CHD2: variants seen among roughly 807,000 people sequenced by gnomAD.
CHD2 encodes ATP-dependent chromatin remodeler CHD2.
A neutral mutation model predicts 243.9 loss-of-function variants in CHD2; 28 were observed. That is an observed-to-expected ratio of 0.11 (90% confidence interval 0.09 to 0.16). The LOEUF (loss-of-function observed/expected upper bound fraction) is 0.16. Among genes scored for constraint, CHD2 ranks in the 10% least tolerant of loss-of-function variants. CHD2 has a pLI of 1.00. For missense variants in CHD2, 1,386 were observed against 2,209.8 expected (o/e 0.63, Z 7.47); for synonymous variants, 775 against 779.0 (o/e 0.99, Z 0.09).
intron 2 of CHD2, chr15:92,905,013 G>C: frequency 3.3e-6 from 5 of 1,534,370 alleles, no homozygotes; most frequent in Admixed American, 2.0e-5. Context: ...ACTCAGGTCA[G>C]TATGTGCTAA....
At chr15:93,005,113 TATC>T (rs1372662767) in intron 34 of CHD2, among the ~76,000 whole-genome samples, 2 of 152,234 alleles carry the variant, frequency 1.3e-5, no homozygotes, top group Admixed American at 6.5e-5. Flanking sequence ...TAACCATTTC[TATC>T]ATCGTAAACT....
intron 4 of CHD2, 67 bp from the exon 5 acceptor site, chr15:92,928,963 G>C: frequency 2.8e-6 from 4 of 1,439,088 alleles, no homozygotes; most frequent in Admixed American, 1.8e-5. Context: ...TGATCCAGGA[G>C]ATAGTGTTGT....
intron 37 of CHD2, among the ~76,000 whole-genome samples, chr15:93,015,397 A>C (rs2054446497): frequency 6.6e-6 from 1 of 152,192 alleles, no homozygotes; most frequent in Admixed American, 6.5e-5. Context: ...TATTATTTCA[A>C]CTTCCGATTA....
chr15:92,945,795 TTCTG>T, intron 10 of CHD2, 22 bp from the exon 11 acceptor site: 1 of 1,484,058 alleles, frequency 6.7e-7, no homozygotes, highest in Non-Finnish European at 9.2e-7. Context: ...TTTATAACTT[TTCTG>T]TCTTATTTTT....
At chr15:93,009,059 G>A in intron 34 of CHD2, 86 bp from the exon 35 acceptor site, 5 of 1,439,692 alleles carry the variant, frequency 3.5e-6, no homozygotes, top group Non-Finnish European at 4.7e-6. Context: ...GGGGTGGGCT[G>A]TGTTTTCATC....
intron 23 of CHD2, 24 bp downstream of exon 23, chr15:92,980,935 A>C (rs2053970882): frequency 3.9e-6 from 6 of 1,531,108 alleles, no homozygotes; most frequent in Non-Finnish European, 5.4e-6. Flanking sequence ...AGGAGAGGGA[A>C]ATTTTTTTGA....
Position 92,953,484 on chromosome 15 carries a change from A to C in CHD2, c.1630A>C (p.Thr544Pro). 6.2e-7 allele frequency: 1 copy of C among 1,613,988 alleles called. No individual in the cohort carries two copies. The highest frequency in any genetic ancestry group is 8.5e-7 in the Non-Finnish European group (1 of 1,180,010). ...GPFLIVVPLSTLTSWQREFEI... is the reference protein window; with the variant it reads ...GPFLIVVPLSPLTSWQREFEI... ...CTTTCTTATAGTCGTCCCTTTATCC[A>C]CCCTCACCTCATGGCAGAGAGAGTT... Residue 544 changes from threonine to proline, a missense_variant, in exon 14 of 39, where the codon ACC becomes CCC. By Grantham distance (38) the Thr-to-Pro change is conservative. Around this residue, in one of 19 missense-constraint regions of CHD2, gnomAD observed 63 missense variants for 108.8 expected, o/e 0.58. Coordinates refer to ENST00000394196, the MANE Select transcript of CHD2 (RefSeq NM_001271.4).
chr15:92,944,402 G>T lies in CHD2; in HGVS notation c.1053-13G>T. 1 of 1,498,588 alleles carries T rather than the reference G, an allele frequency of 6.7e-7. No homozygotes were observed. Among genetic ancestry groups the T allele is most frequent in the Non-Finnish European group, 9.3e-7 (1 of 1,078,466 alleles). 92.8% of individuals were successfully genotyped at this position (1,498,588 alleles called of 1,614,324 possible). A position where few individuals can be genotyped will look rare whatever the true frequency, so the allele number is the denominator to read the frequency against. On this transcript the variant is annotated splice_polypyrimidine_tract_variant and intron_variant, in intron 9 of 38. Transcript: ENST00000394196. ...TAGTTTATGTGTACTTTTTCTGTCT[G>T]TCTGCCATTCAGGTTAGGGAAAGTT...
chr15:93,027,828 C>T lies in CHD2; in HGVS notation c.*3123C>T, dbSNP rs1353254369. 6.6e-6 allele frequency: 1 copy of T among 152,606 alleles called. No homozygotes were observed. Among genetic ancestry groups the T allele is most frequent in the African/African-American group, 2.4e-5 (1 of 41,432 alleles). The allele number at this position is 152,606 out of a possible 1,614,324, so 9.5% of individuals were successfully genotyped here. ...TTGTAAAATTGTGGACTTTTAAAAC[C>T]TGTTGACTAAACAGTAATTAATTTA... On this transcript the variant is annotated 3_prime_UTR_variant, in exon 39 of 39. Transcript: ENST00000394196.
chr15:92,983,608 A>T (rs1181692921), intron 24 of CHD2, among the ~76,000 whole-genome samples: 3 of 152,144 alleles, frequency 2.0e-5, no homozygotes, highest in Non-Finnish European at 4.4e-5. Flanking sequence ...GAGGTGGTAG[A>T]TGTTTCTGTG....
intron 13 of CHD2, among the ~76,000 whole-genome samples, chr15:92,950,947 GTTTGA>G (rs1404862963): frequency 9.2e-5 from 14 of 152,088 alleles, no homozygotes; most frequent in Admixed American, 7.9e-4. Context: ...GAGAATGTGG[GTTTGA>G]TATAATGATT....
Position 92,998,679 on chromosome 15 carries a change from T to G in CHD2, c.4008+58T>G. 1 of 1,585,218 alleles carries G rather than the reference T, an allele frequency of 6.3e-7. No homozygotes were observed. The highest frequency in any genetic ancestry group is 1.1e-5 in the South Asian group (1 of 88,944). On this transcript the variant is annotated intron_variant, in intron 31 of 38. Coordinates refer to ENST00000394196, the MANE Select transcript of CHD2 (RefSeq NM_001271.4). The surrounding 1 kb of genome is among the most constrained non-coding windows in gnomAD (Gnocchi z 5.1). ...GGCCTGAGGCTCCTACCCTGCAGAATTAGGTAGGAAGAGAGAGGCCCTCTC... is the reference window on the plus strand; with the variant it reads ...GGCCTGAGGCTCCTACCCTGCAGAAGTAGGTAGGAAGAGAGAGGCCCTCTC...
intron 26 of CHD2, among the ~76,000 whole-genome samples, chr15:92,991,122 G>A (rs1173863406): frequency 6.6e-6 from 1 of 152,050 alleles, no homozygotes; most frequent in Non-Finnish European, 1.5e-5. Context: ...TGTCACAATA[G>A]AGTCGTGATG....
intron 34 of CHD2, among the ~76,000 whole-genome samples, chr15:93,006,711 G>A (rs1373519811): frequency 6.6e-6 from 1 of 152,148 alleles, no homozygotes. Flanking sequence ...CAGGCAGTTC[G>A]GCATGAGAGG....
chr15:92,928,183 C>G, intron 4 of CHD2, among the ~76,000 whole-genome samples: 1 of 152,180 alleles, frequency 6.6e-6, no homozygotes, highest in East Asian at 1.9e-4. Flanking sequence ...ACCCTAACAT[C>G]TGCATTACAT....
intron 5 of CHD2, among the ~76,000 whole-genome samples, chr15:92,933,874 G>C (rs1335368445): frequency 1.3e-5 from 2 of 152,116 alleles, no homozygotes; most frequent in African/African-American, 4.8e-5. Flanking sequence ...CCAAAGTGTT[G>C]GGATTACAGG....
chr15:92,967,491 G>C lies in CHD2; in HGVS notation c.2167G>C (p.Ala723Pro). Reference protein sequence around the residue: ...VEQILRVEMSALQKQYYKWIL... With the variant: ...VEQILRVEMSPLQKQYYKWIL... ...ACAGATTCTCAGGGTGGAGATGTCA[G>C]CCCTTCAGAAACAGTATTACAAGTA... is the stretch of plus-strand genomic sequence containing the variant. Residue 723 changes from alanine (A) to proline (P), a missense_variant, in exon 17 of 39, where the codon GCC becomes CCC. Physicochemically the swap from Ala to Pro is conservative, Grantham distance 27 (BLOSUM62 -1). This residue lies in a region of CHD2 where 118 missense variants were observed against 266.3 expected (regional missense o/e 0.44). Coordinates refer to ENST00000394196, the MANE Select transcript of CHD2 (RefSeq NM_001271.4). 1.2e-6 allele frequency: 2 copies of C among 1,613,776 alleles called. No individual in the cohort carries two copies. Among genetic ancestry groups the C allele is most frequent in the Non-Finnish European group, 1.7e-6 (2 of 1,179,838 alleles).
intron 13 of CHD2, among the ~76,000 whole-genome samples, chr15:92,952,882 C>T (rs1271569408): frequency 1.3e-5 from 2 of 152,218 alleles, no homozygotes; most frequent in African/African-American, 2.4e-5. Context: ...AAGCCCCATG[C>T]ACCTATACAT....
chr15:92,999,941 A>T (rs1462358717), intron 31 of CHD2, among the ~76,000 whole-genome samples: 2 of 152,122 alleles, frequency 1.3e-5, no homozygotes, highest in Non-Finnish European at 2.9e-5. Flanking sequence ...GATTCCAAAG[A>T]TGTGGAATCA....
Sources: allele counts gnomAD v4.1 joint callset (sites outside exome capture counted in the v4.1 genomes callset), GRCh38; gene constraint gnomAD v4.1.1; regional missense constraint gnomAD v4.1.1; non-coding constraint Gnocchi (gnomAD v3.1); transcripts MANE v1.5; gene names NCBI Gene and HGNC (gene_info 2026-07-23, HGNC 2026-07-21).